The following INPP5A variants were observed in gnomAD, a reference collection of about 807,000 sequenced individuals.
INPP5A encodes the protein inositol polyphosphate-5-phosphatase A, also known as 43 kDa inositol polyphosphate 5-phophatase.
A neutral mutation model predicts 65.2 loss-of-function variants in INPP5A; 14 were observed. That is an observed-to-expected ratio of 0.21 (90% CI 0.14 to 0.34). The LOEUF is 0.34. Ranked by LOEUF, INPP5A falls within the 10% of genes least tolerant of loss-of-function variation. INPP5A has a pLI of 1.00. For missense variants in INPP5A, 431 were observed against 545.6 expected (o/e 0.79, Z 2.09); for synonymous variants, 207 against 208.3 (o/e 0.99, Z 0.05).
chr10:132,717,687 G>A (rs1464009071), intron 8 of INPP5A, among the ~76,000 whole-genome samples: 2 of 150,080 alleles, frequency 1.3e-5, no homozygotes, highest in African/African-American at 2.5e-5. Context: ...TTAGACGGCT[G>A]TCTTGCGGGT....
chr10:132,639,672 T>C (rs1313003685), intron 2 of INPP5A, among the ~76,000 whole-genome samples: 2 of 152,362 alleles, frequency 1.3e-5, no homozygotes, highest in East Asian at 3.9e-4. Context: ...GTTTTTCTCA[T>C]GCACCATCTG....
At chr10:132,692,958 C>G (rs1388361312) in intron 5 of INPP5A, among the ~76,000 whole-genome samples, 2 of 152,096 alleles carry the variant, frequency 1.3e-5, no homozygotes, top group African/African-American at 4.8e-5. Flanking sequence ...ACAACAGCAA[C>G]CATGTATTGG....
At position 132,675,254 on chromosome 10, in the gene INPP5A, C is replaced by A. The variant is rs1240152925; in HGVS notation, c.307-15138C>A. Among the ~76,000 whole-genome samples, 1 of 152,248 alleles carries A rather than the reference C, an allele frequency of 6.6e-6. No homozygotes were observed. Reference sequence around the variant, plus strand: ...ATGGTAACCGCAGGGGACGGTGCAGCCGCATCTTCCGTGTCCTTGGAGGAA... The same window carrying A: ...ATGGTAACCGCAGGGGACGGTGCAGACGCATCTTCCGTGTCCTTGGAGGAA... On this transcript the variant is annotated intron_variant, in intron 4 of 15. Transcript: ENST00000368594. The surrounding 1 kb of genome is among the most constrained non-coding windows in gnomAD (Gnocchi z 4.2).
chr10:132,763,566 A>G (rs905256525), intron 11 of INPP5A, among the ~76,000 whole-genome samples: 1 of 150,232 alleles, frequency 6.7e-6, no homozygotes, highest in African/African-American at 2.5e-5. Flanking sequence ...CCTGCATGCA[A>G]ACACACACAT....
chr10:132,566,874 C>G (rs775687545), intron 1 of INPP5A, among the ~76,000 whole-genome samples: 7 of 152,126 alleles, frequency 4.6e-5, no homozygotes, highest in African/African-American at 7.2e-5. Flanking sequence ...ATATTGAATA[C>G]TAGAATGGAG....
chr10:132,711,022 G>A (rs1845628276), intron 8 of INPP5A, among the ~76,000 whole-genome samples: 1 of 152,202 alleles, frequency 6.6e-6, no homozygotes, highest in Non-Finnish European at 1.5e-5. Context: ...CCAAGCCCTG[G>A]CAAAGGCTGG....
At chr10:132,761,963 G>C (rs1033229779) in intron 11 of INPP5A, among the ~76,000 whole-genome samples, 6 of 151,932 alleles carry the variant, frequency 3.9e-5, no homozygotes, top group Admixed American at 2.6e-4. Flanking sequence ...AATCCCAACA[G>C]ATAAAAAAAA....
rs2072370376 is a variant in INPP5A, at chr10:132,637,415, G to T, written c.118-8453G>T. 1.3e-5 allele frequency among the ~76,000 whole-genome samples: 2 copies of T among 152,026 alleles called. No homozygotes were observed. Among genetic ancestry groups the T allele is most frequent in the African/African-American group, 4.8e-5 (2 of 41,392 alleles). On this transcript the variant is annotated intron_variant, in intron 2 of 15. Coordinates refer to ENST00000368594, the MANE Select transcript of INPP5A (RefSeq NM_005539.5). The surrounding 1 kb of genome is among the most constrained non-coding windows in gnomAD (Gnocchi z 4.1). ...TGTTTCAGGTGAGTGTGTAAGTGCG[G>T]GTCTTTTTCTGTTTTGAAGTTTTCC...
chr10:132,560,074 C>T (rs1251181239), intron 1 of INPP5A, among the ~76,000 whole-genome samples: 1 of 151,736 alleles, frequency 6.6e-6, no homozygotes, highest in Non-Finnish European at 1.5e-5. Context: ...TGTAGACCTG[C>T]TTGTGGAATT....
intron 9 of INPP5A, among the ~76,000 whole-genome samples, chr10:132,735,111 G>T (rs1227712271): frequency 2.6e-5 from 4 of 152,210 alleles, no homozygotes; most frequent in African/African-American, 9.7e-5. Flanking sequence ...ATGGGTTAGA[G>T]TGAGACCCTG....
At chr10:132,591,101 G>GT (rs1262388435) in intron 1 of INPP5A, among the ~76,000 whole-genome samples, 3 of 152,146 alleles carry the variant, frequency 2.0e-5, no homozygotes, top group African/African-American at 7.2e-5. Context: ...TCCTTTGCCC[G>GT]TTTTTCCATC....
chr10:132,638,352 C>T (rs948704563), intron 2 of INPP5A, among the ~76,000 whole-genome samples: 1 of 152,164 alleles, frequency 6.6e-6, no homozygotes, highest in African/African-American at 2.4e-5. Context: ...AATCTTCAGC[C>T]TCCGGACTTG....
chr10:132,550,354 C>T lies in INPP5A; in HGVS notation c.75+12183C>T, dbSNP rs1321820564. ...CCCTGTCCTCTCCAGCGACCGCTCTCTCCTGGGTGTCAGTGGTTTTTGGGA... is the reference window on the plus strand; with the variant it reads ...CCCTGTCCTCTCCAGCGACCGCTCTTTCCTGGGTGTCAGTGGTTTTTGGGA... On this transcript the variant is annotated intron_variant, in intron 1 of 15. Transcript: ENST00000368594. This position sits in a 1 kb window ranked among gnomAD's most constrained non-coding sequence, Gnocchi z 4.2. 2.0e-5 allele frequency among the ~76,000 whole-genome samples: 3 copies of T among 152,232 alleles called. No homozygotes were observed. The highest frequency in any genetic ancestry group is 4.4e-5 in the Non-Finnish European group (3 of 68,034).
At position 132,705,850 on chromosome 10, in the gene INPP5A, C is replaced by T. The variant is rs191109792; in HGVS notation, c.475-2463C>T. On this transcript the variant is annotated intron_variant, in intron 6 of 15. Coordinates refer to ENST00000368594, the MANE Select transcript of INPP5A (RefSeq NM_005539.5). This position sits in a 1 kb window ranked among gnomAD's most constrained non-coding sequence, Gnocchi z 4.9. ...TGGAACTGCACAGGTGAGGAGGGGG[C>T]GCCTCTCACTCCCCAGGAGACTGCA... Among the ~76,000 whole-genome samples the T allele has an allele frequency of 4.2e-4, 64 of 152,166 alleles. No individual in the cohort carries two copies. The highest frequency in any genetic ancestry group is 1.3e-3 in the African/African-American group (56 of 41,506).
rs528012496 is a variant in INPP5A at position 132,705,104 on chromosome 10, T to C, written c.475-3209T>C. ...CATTGGGGGTGTCCCAGCTGCACCG[T>C]TGGTGGGAGCATGGAGCCCGCTGTG... On this transcript the variant is annotated intron_variant, in intron 6 of 15. Coordinates refer to ENST00000368594, the MANE Select transcript of INPP5A (RefSeq NM_005539.5). The surrounding 1 kb of genome is among the most constrained non-coding windows in gnomAD (Gnocchi z 4.9). Among the ~76,000 whole-genome samples the C allele has an allele frequency of 1.8e-4, 27 of 152,210 alleles. No homozygotes were observed. The South Asian group carries it at 5.6e-3, about 32-fold the overall frequency.
rs909354697 is a variant in INPP5A at position 132,637,754 on chromosome 10, C to T, written c.118-8114C>T. On this transcript the variant is annotated intron_variant, in intron 2 of 15. Transcript: ENST00000368594. The surrounding 1 kb of genome is among the most constrained non-coding windows in gnomAD (Gnocchi z 4.1). ...AGTGGTCCATTCTGTGTTTTAGTTT[C>T]GCATCTCTGATGTGAGGTGGTTTTT... Among the ~76,000 whole-genome samples the T allele has an allele frequency of 6.6e-6, 1 of 152,080 alleles. No homozygotes were observed. The highest frequency in any genetic ancestry group is 1.9e-4 in the East Asian group (1 of 5,190).
At chr10:132,677,498 C>T (rs1056942630) in intron 4 of INPP5A, among the ~76,000 whole-genome samples, 7 of 152,214 alleles carry the variant, frequency 4.6e-5, no homozygotes, top group East Asian at 3.9e-4. Context: ...ACTTTGCCCC[C>T]GCAGTGTGAC....
At chr10:132,729,613 C>T (rs937689555) in intron 9 of INPP5A, among the ~76,000 whole-genome samples, 3 of 152,220 alleles carry the variant, frequency 2.0e-5, no homozygotes, top group South Asian at 2.1e-4. Flanking sequence ...TGTACCCCGT[C>T]CTCCGTGTTC....
In INPP5A at chr10:132,540,764, T is replaced by C. The variant is rs116639267; in HGVS notation, c.75+2593T>C. Among the ~76,000 whole-genome samples the C allele has an allele frequency of 2.8e-3, 424 of 152,382 alleles. 1 individual carries two copies. The highest frequency in any genetic ancestry group is 9.7e-3 in the African/African-American group (405 of 41,596). On this transcript the variant is annotated intron_variant, in intron 1 of 15. Transcript: ENST00000368594. ...GACGAACGCACCCTGCAGGCAGTGC[T>C]CAGGCTGTGAAGGAATCTTTCTCGC...
Sources: allele counts gnomAD v4.1 joint callset (sites outside exome capture counted in the v4.1 genomes callset), GRCh38; gene constraint gnomAD v4.1.1; non-coding constraint Gnocchi (gnomAD v3.1); transcripts MANE v1.5; gene names NCBI Gene and HGNC (gene_info 2026-07-23, HGNC 2026-07-21).